PLCE1: variants seen among roughly 807,000 people sequenced by gnomAD.
The protein encoded by PLCE1 is 1-phosphatidylinositol 4,5-bisphosphate phosphodiesterase epsilon-1.
PLCE1 carries 119 observed loss-of-function variants against 242.8 expected under a neutral mutation model. That is an observed-to-expected ratio of 0.49 (90% CI 0.42 to 0.57). The LOEUF is 0.57. PLCE1 is among the 20% of genes least tolerant of loss of function. The pLI, the probability that PLCE1 is intolerant of heterozygous loss-of-function variation, is 0.00. For missense variants in PLCE1, 2,441 were observed against 2,788.8 expected (o/e 0.88, Z 2.81); for synonymous variants, 945 against 1,017.4 (o/e 0.93, Z 1.35).
intron 31 of PLCE1, 24 bp from the exon 32 acceptor site, chr10:94,324,868 A>C (rs781612913): frequency 2.6e-5 from 42 of 1,610,768 alleles, no homozygotes; most frequent in Middle Eastern, 3.3e-4. Context: ...CCTAACACCA[A>C]TGGAAGGTTC....
chr10:94,089,353 T>A (rs1589991440), intron 2 of PLCE1: 1 of 1,609,196 alleles, frequency 6.2e-7, no homozygotes, highest in East Asian at 2.2e-5. Flanking sequence ...TGGATGTGGA[T>A]GCTGGAGGCT....
chr10:94,158,244 T>G (rs1487759943), intron 3 of PLCE1, among the ~76,000 whole-genome samples: 1 of 152,152 alleles, frequency 6.6e-6, no homozygotes, highest in Non-Finnish European at 1.5e-5. Flanking sequence ...AGGTTAGCCA[T>G]ACCTCAGGAC....
rs933158048 is a variant in PLCE1, at chr10:94,257,359, C to CA, written c.3555-1432dup. On this transcript the variant is annotated intron_variant, in intron 11 of 32. Coordinates refer to ENST00000371380, the MANE Select transcript of PLCE1 (RefSeq NM_016341.4). ...CAAAAAAAACTTTTAAAATCCAAGA[C>CA]AAAAAAAAACAGGTCCTCTAGAACT... Among the ~76,000 whole-genome samples, 16 of 148,888 alleles carry CA rather than the reference C, an allele frequency of 1.1e-4. No homozygotes were observed. The South Asian group carries it at 1.3e-3, about 12-fold the overall frequency.
chr10:94,303,643 A>G (rs573820014), intron 24 of PLCE1, among the ~76,000 whole-genome samples: 2 of 152,314 alleles, frequency 1.3e-5, no homozygotes, highest in South Asian at 4.1e-4. Flanking sequence ...TTAAGATTTT[A>G]TCTTACATTT....
At chr10:94,181,621 C>T (rs2136452366) in intron 4 of PLCE1, among the ~76,000 whole-genome samples, 1 of 151,842 alleles carries the variant, frequency 6.6e-6, no homozygotes, top group African/African-American at 2.4e-5. Flanking sequence ...TAAAAAGCTC[C>T]ATGAAGGCCA....
intron 32 of PLCE1, chr10:94,325,596 C>CA (rs1170249339): frequency 0.019 from 2,121 of 113,258 alleles, 60 homozygotes; most frequent in African/African-American, 0.063. Context: ...AACTCCGTCT[C>CA]AAAAAAAAAA....
chr10:94,201,829 G>A (rs2048996808), intron 4 of PLCE1, among the ~76,000 whole-genome samples: 1 of 152,098 alleles, frequency 6.6e-6, no homozygotes, highest in South Asian at 2.1e-4. Flanking sequence ...GAGTCCCAAG[G>A]GAAACATTTA....
chr10:94,028,961 G>A (rs2061503970), intron 1 of PLCE1, among the ~76,000 whole-genome samples: 1 of 151,998 alleles, frequency 6.6e-6, no homozygotes, highest in Non-Finnish European at 1.5e-5. Flanking sequence ...GTTATACTTA[G>A]TAATTCCTTC....
At chr10:94,252,798 AG>A (rs1441583303) in intron 9 of PLCE1, among the ~76,000 whole-genome samples, 5 of 152,158 alleles carry the variant, frequency 3.3e-5, no homozygotes, top group Admixed American at 6.5e-5. Context: ...TAGAGAGCTG[AG>A]GGGCAGGCAC....
chr10:94,254,606 T>C (rs536756047), intron 10 of PLCE1, among the ~76,000 whole-genome samples: 27 of 152,208 alleles, frequency 1.8e-4, no homozygotes, highest in Non-Finnish European at 3.7e-4. Flanking sequence ...GAAAATCTGA[T>C]TCCTCTGGCC....
intron 20 of PLCE1, 23 bp from the exon 21 acceptor site, chr10:94,283,767 G>A (rs760284345): frequency 4.4e-6 from 7 of 1,606,740 alleles, no homozygotes; most frequent in Non-Finnish European, 6.0e-6. Context: ...CGTTTTCACT[G>A]AAGTCTGCTA....
In PLCE1 at chr10:94,306,538, C is replaced by T. The variant is rs1357470118; in HGVS notation, c.5734C>T (p.His1912Tyr). 6.2e-7 allele frequency: 1 copy of T among 1,614,184 alleles called. No individual in the cohort carries two copies. Among genetic ancestry groups the T allele is most frequent in the South Asian group, 1.1e-5 (1 of 91,086 alleles). The change falls in exon 26 of 33, where the codon CAT becomes TAT. Residue 1912 changes from histidine (H) to tyrosine (Y), a missense_variant. By Grantham distance (83) the His-to-Tyr change is moderately conservative. Around this residue, in one of 5 missense-constraint regions of PLCE1, gnomAD observed 1,004 missense variants for 1,322.7 expected, o/e 0.76. Coordinates refer to ENST00000371380, the MANE Select transcript of PLCE1 (RefSeq NM_016341.4). This position sits in a 1 kb window ranked among gnomAD's most constrained non-coding sequence, Gnocchi z 5.7. ...DSCHFRTKPI[H>Y]RNTLNPMWNE... ...CTGCCATTTCCGCACAAAGCCCATC[C>T]ATCGAAACACCCTGAACCCCATGTG...
chr10:94,229,627 C>T (rs1024556487), intron 5 of PLCE1, among the ~76,000 whole-genome samples: 6 of 152,152 alleles, frequency 3.9e-5, no homozygotes, highest in African/African-American at 1.2e-4. Flanking sequence ...ATTACAGGAA[C>T]GGCCTCAGAG....
intron 2 of PLCE1, among the ~76,000 whole-genome samples, chr10:94,130,454 C>G (rs374955147): frequency 6.6e-6 from 1 of 152,166 alleles, no homozygotes; most frequent in Non-Finnish European, 1.5e-5. Context: ...TGGTGAATCC[C>G]AGAATCTCCC....
At chr10:94,192,270 G>T (rs1463728036) in intron 4 of PLCE1, among the ~76,000 whole-genome samples, 2 of 152,104 alleles carry the variant, frequency 1.3e-5, no homozygotes, top group Non-Finnish European at 2.9e-5. Context: ...GAGGTTTGGG[G>T]TACAAATGAT....
chr10:94,168,622 T>C (rs1443976808), intron 3 of PLCE1, among the ~76,000 whole-genome samples: 3 of 152,234 alleles, frequency 2.0e-5, no homozygotes, highest in African/African-American at 7.2e-5. Flanking sequence ...ACTAGACTTG[T>C]TATTCATTGT....
intron 6 of PLCE1, among the ~76,000 whole-genome samples, chr10:94,235,384 C>T (rs1368226790): frequency 6.6e-6 from 1 of 152,166 alleles, no homozygotes; most frequent in African/African-American, 2.4e-5. Context: ...CAGCTCTCAC[C>T]TCTGATGAGA....
intron 8 of PLCE1, among the ~76,000 whole-genome samples, chr10:94,251,294 A>G (rs1163670254): frequency 6.6e-6 from 1 of 152,196 alleles, no homozygotes; most frequent in African/African-American, 2.4e-5. Flanking sequence ...AGGAAGTGGG[A>G]ATGCACAAGT....
chr10:94,168,258 A>C (rs2047870467), intron 3 of PLCE1, among the ~76,000 whole-genome samples: 1 of 152,202 alleles, frequency 6.6e-6, no homozygotes, highest in East Asian at 1.9e-4. Context: ...GAAAGAGGAC[A>C]TAATAGGGAG....
Sources: gnomAD v4.1 joint callset for allele counts (sites outside exome capture counted in the v4.1 genomes callset) on GRCh38, gnomAD v4.1.1 for gene constraint, gnomAD v4.1.1 regional missense constraint, Gnocchi (gnomAD v3.1) non-coding constraint, MANE v1.5 for transcripts, NCBI Gene and HGNC (gene_info 2026-07-23, HGNC 2026-07-21) for gene names.